The following DNAJB14 variants were observed in gnomAD, a reference collection of about 807,000 sequenced individuals.
The protein encoded by DNAJB14 is DnaJ heat shock protein family (Hsp40) member B14.
DNAJB14 carries 22 observed loss-of-function variants against 48.4 expected under a neutral mutation model. That is an observed-to-expected ratio of 0.45 (90% CI 0.32 to 0.65). DNAJB14 has a LOEUF of 0.65. Ranked by LOEUF, DNAJB14 falls within the 30% of genes least tolerant of loss-of-function variation. The pLI, the probability that DNAJB14 is intolerant of heterozygous loss-of-function variation, is 0.03. For synonymous variants in DNAJB14, 142 were observed against 158.7 expected (o/e 0.89, Z 0.79); for missense variants, 319 against 458.8 (o/e 0.70, Z 2.78).
In DNAJB14 at chr4:99,901,136, A is replaced by G; in HGVS notation, c.1032T>C (p.Tyr344=). 2 of 1,604,832 alleles carry G rather than the reference A, an allele frequency of 1.2e-6. No homozygotes were observed. The highest frequency in any genetic ancestry group is 1.7e-6 in the Non-Finnish European group (2 of 1,177,426). The change falls in exon 8 of 8, where the codon TAT becomes TAC. Residue 344 remains tyrosine (Y), a synonymous_variant. Transcript: ENST00000442697. ...GATCATCACGGTATACTTTTGCTGC[A>G]TACTGCATATCTGTTTCTGTTAATA... ...KERQQKTDMQ[Y]AAKVYRDDRL...
chr4:99,905,561 A>G, intron 6 of DNAJB14, 36 bp downstream of exon 6: 1 of 1,528,676 alleles, frequency 6.5e-7, no homozygotes, highest in Non-Finnish European at 9.0e-7. Context: ...AAATAGCAAC[A>G]ATTCATTTTT....
intron 3 of DNAJB14, among the ~76,000 whole-genome samples, chr4:99,913,621 GTT>G (rs372025043): frequency 1.9e-5 from 2 of 107,616 alleles, no homozygotes; most frequent in African/African-American, 3.4e-5. Flanking sequence ...CTGGTCTGTA[GTT>G]TTTTTTTTTT....
chr4:99,933,633 G>T (rs896047118), intron 1 of DNAJB14, among the ~76,000 whole-genome samples: 1 of 152,018 alleles, frequency 6.6e-6, no homozygotes. Flanking sequence ...GTCTGCAATC[G>T]CAATGAACGG....
intron 3 of DNAJB14, among the ~76,000 whole-genome samples, chr4:99,919,273 T>C (rs1449960267): frequency 2.0e-5 from 3 of 152,004 alleles, no homozygotes; most frequent in Non-Finnish European, 4.4e-5. Flanking sequence ...GCACCTAATC[T>C]GGGATATATA....
At chr4:99,932,214 T>C (rs1231462179) in intron 1 of DNAJB14, among the ~76,000 whole-genome samples, 2 of 151,946 alleles carry the variant, frequency 1.3e-5, no homozygotes. Context: ...TCAAAGGCTA[T>C]AATCAACAGA....
At chr4:99,945,819 G>A (rs1446263270) in intron 1 of DNAJB14, among the ~76,000 whole-genome samples, 4 of 152,204 alleles carry the variant, frequency 2.6e-5, no homozygotes, top group Admixed American at 6.5e-5. Context: ...GATTTGGTTC[G>A]TCGATAATCA....
chr4:99,908,927 C>A, intron 3 of DNAJB14, 31 bp from the exon 4 acceptor site: 3 of 1,450,838 alleles, frequency 2.1e-6, no homozygotes, highest in South Asian at 3.1e-5. Flanking sequence ...AGTTGGTAAG[C>A]AAAGTTTTTA....
chr4:99,929,915 A>T (rs1041835217), intron 2 of DNAJB14: 1 of 152,208 alleles, frequency 6.6e-6, no homozygotes, highest in African/African-American at 2.4e-5. Context: ...CCTTTTACTT[A>T]TAAAATTAAA....
chr4:99,901,174 T>C, intron 7 of DNAJB14, 22 bp from the exon 8 acceptor site: 1 of 1,569,052 alleles, frequency 6.4e-7, no homozygotes, highest in Non-Finnish European at 8.6e-7. Flanking sequence ...GAAAAATATT[T>C]TGCTAATTGA....
At chr4:99,903,610 G>A (rs1725367556) in intron 7 of DNAJB14, 116 bp downstream of exon 7, 2 of 1,086,146 alleles carry the variant, frequency 1.8e-6, no homozygotes, top group East Asian at 2.5e-5. Context: ...TTTAAGTACT[G>A]TGCTCCAATT....
At chr4:99,905,943 A>G in intron 5 of DNAJB14, 1 of 1,306,360 alleles carries the variant, frequency 7.7e-7, no homozygotes, top group Non-Finnish European at 9.9e-7. Context: ...TAGATGAGGA[A>G]GTCTTCATTT....
rs1553944897 is a variant in DNAJB14, at chr4:99,897,201, A to AAAAAT, written c.*3826_*3827insATTTT. 4 of 133,850 alleles carry AAAAAT rather than the reference A, an allele frequency of 3.0e-5. No individual in the cohort carries two copies. Among genetic ancestry groups the AAAAAT allele is most frequent in the African/African-American group, 1.1e-4 (4 of 35,296 alleles). 8.3% of individuals were successfully genotyped at this position (133,850 alleles called of 1,614,324 possible). On this transcript the variant is annotated 3_prime_UTR_variant, in exon 8 of 8. Transcript: ENST00000442697. Reference sequence around the variant, plus strand: ...TAATTAGCTGGGAAAAAAAAAAAAAAATATATATATATATATATACACCTA... The same window carrying AAAAAT: ...TAATTAGCTGGGAAAAAAAAAAAAAAAAAATATATATATATATATATATACACCTA...
At chr4:99,906,359 TC>T (rs1725466611) in intron 5 of DNAJB14, among the ~76,000 whole-genome samples, 157 bp downstream of exon 5, 1 of 152,116 alleles carries the variant, frequency 6.6e-6, no homozygotes, top group Admixed American at 6.6e-5. Flanking sequence ...CTCTTCCTAT[TC>T]CTACAATGTC....
At chr4:99,931,550 C>A (rs1434994198) in intron 1 of DNAJB14, among the ~76,000 whole-genome samples, 1 of 152,014 alleles carries the variant, frequency 6.6e-6, no homozygotes, top group Non-Finnish European at 1.5e-5. Context: ...ACATTTCAAT[C>A]AGTAACTGAT....
chr4:99,912,482 C>CTT (rs900128294), intron 3 of DNAJB14, among the ~76,000 whole-genome samples: 2 of 143,416 alleles, frequency 1.4e-5, no homozygotes. Context: ...GATGACTTGA[C>CTT]TTTTTTTTTT....
Position 99,938,097 on chromosome 4 carries a change from C to CAAAAAAAAAAAAA in DNAJB14, c.134-7489_134-7477dup, listed in dbSNP as rs59597113. Among the ~76,000 whole-genome samples, 63 of 40,976 alleles carry CAAAAAAAAAAAAA rather than the reference C, an allele frequency of 1.5e-3. 4 individuals are homozygous for CAAAAAAAAAAAAA. Among genetic ancestry groups the CAAAAAAAAAAAAA allele is most frequent in the Non-Finnish European group, 1.9e-3 (40 of 20,840 alleles). 26.9% of individuals were successfully genotyped at this position (40,976 alleles called of 152,430 possible). ...ACATGGCGAAACCATGTTAAAAATACAAAAAAAAAAAAAAAAAAAAAAAAA... is the reference window on the plus strand; with the variant it reads ...ACATGGCGAAACCATGTTAAAAATACAAAAAAAAAAAAAAAAAAAAAAAAAAAAAAAAAAAAAA... On this transcript the variant is annotated intron_variant, in intron 1 of 7. Transcript: ENST00000442697.
At chr4:99,936,233 T>C (rs574145489) in intron 1 of DNAJB14, among the ~76,000 whole-genome samples, 2 of 152,088 alleles carry the variant, frequency 1.3e-5, no homozygotes, top group South Asian at 4.2e-4. Flanking sequence ...AATGAGCAAA[T>C]AAGTGGGAGC....
In DNAJB14 at chr4:99,906,590, T is replaced by C; in HGVS notation, c.659A>G (p.Asn220Ser). 1 of 1,611,486 alleles carries C rather than the reference T, an allele frequency of 6.2e-7. No homozygotes were observed. The highest frequency in any genetic ancestry group is 8.5e-7 in the Non-Finnish European group (1 of 1,179,420). The change falls in exon 5 of 8, where the codon AAT (asparagine) becomes AGT (serine). Residue 220 changes from asparagine (N) to serine (S), a missense_variant. Around this residue, in one of 3 missense-constraint regions of DNAJB14, gnomAD observed 166 missense variants for 236.3 expected, o/e 0.70. Coordinates refer to ENST00000442697, the MANE Select transcript of DNAJB14 (RefSeq NM_001031723.4). ...TTGTTGGCTATAACCAGCTCTTCCA[T>C]TTGAAAAAGAATGTACACTACCTAA... is the stretch of plus-strand genomic sequence containing the variant. ...FPSGSVHSFS[N>S]GRAGYSQQHQ...
intron 1 of DNAJB14, among the ~76,000 whole-genome samples, chr4:99,946,170 C>T (rs1727060238): frequency 6.6e-6 from 1 of 152,224 alleles, no homozygotes; most frequent in Non-Finnish European, 1.5e-5. Flanking sequence ...GAGAATGAAA[C>T]CCGGACATTT....
Sources: gnomAD v4.1 joint callset for allele counts (sites outside exome capture counted in the v4.1 genomes callset) on GRCh38, gnomAD v4.1.1 for gene constraint, gnomAD v4.1.1 regional missense constraint, MANE v1.5 for transcripts, NCBI Gene and HGNC (gene_info 2026-07-23, HGNC 2026-07-21) for gene names.